Variants in DLG2 observed in about 807,000 individuals in gnomAD.
DLG2 encodes disks large homolog 2.
A neutral mutation model predicts 132.5 loss-of-function variants in DLG2; 45 were observed. The observed-to-expected ratio is 0.34, with a 90% CI of 0.27 to 0.44. The LOEUF (loss-of-function observed/expected upper bound fraction) is 0.44. Ranked by LOEUF, DLG2 falls within the 20% of genes least tolerant of loss-of-function variation. DLG2 has a pLI of 1.00. For synonymous variants in DLG2, 424 were observed against 419.6 expected (o/e 1.01, Z -0.13); for missense variants, 1,045 against 1,196.9 (o/e 0.87, Z 1.87).
intron 6 of DLG2, among the ~76,000 whole-genome samples, chr11:84,791,162 A>G (rs538790561): frequency 6.6e-6 from 1 of 152,226 alleles, no homozygotes; most frequent in East Asian, 1.9e-4. Context: ...GAACTCACTC[A>G]CTATCCGGAT....
chr11:84,730,914 GATTTAAGATA>G (rs1840456858), intron 6 of DLG2, among the ~76,000 whole-genome samples: 1 of 151,986 alleles, frequency 6.6e-6, no homozygotes, highest in Non-Finnish European at 1.5e-5. Context: ...ATGTATCACA[GATTTAAGATA>G]ATGATACAAT....
chr11:84,306,304 A>G (rs1043286324), intron 7 of DLG2, among the ~76,000 whole-genome samples: 1 of 152,216 alleles, frequency 6.6e-6, no homozygotes, highest in Non-Finnish European at 1.5e-5. Context: ...ACTTGAACCA[A>G]AAAATTAAAA....
At chr11:84,624,817 T>G (rs912420055) in intron 6 of DLG2, among the ~76,000 whole-genome samples, 2 of 148,242 alleles carry the variant, frequency 1.3e-5, no homozygotes, top group African/African-American at 5.0e-5. Context: ...ATAATACAGT[T>G]GACTCTCTTC....
At chr11:85,561,212 G>A (rs1288163758) in intron 3 of DLG2, among the ~76,000 whole-genome samples, 2 of 148,896 alleles carry the variant, frequency 1.3e-5, no homozygotes, top group Non-Finnish European at 3.0e-5. Flanking sequence ...AAATAAACAC[G>A]ATTAGCCAGG....
intron 3 of DLG2, among the ~76,000 whole-genome samples, chr11:85,400,839 G>C (rs563920766): frequency 6.6e-6 from 1 of 151,222 alleles, no homozygotes; most frequent in Non-Finnish European, 1.5e-5. Context: ...GCTAAATGAC[G>C]AGTTAATGAG....
intron 3 of DLG2, among the ~76,000 whole-genome samples, chr11:85,555,122 T>G (rs2076868070): frequency 6.6e-6 from 1 of 151,880 alleles, no homozygotes; most frequent in Middle Eastern, 3.2e-3. Flanking sequence ...CTGTCTCAAG[T>G]GCATTGGGTT....
intron 3 of DLG2, among the ~76,000 whole-genome samples, chr11:85,431,078 G>T (rs996349887): frequency 2.0e-5 from 3 of 152,154 alleles, no homozygotes; most frequent in African/African-American, 7.2e-5. Context: ...TGTATAGAAT[G>T]CTTCTGTCAA....
chr11:84,947,470 A>C (rs756598223), intron 6 of DLG2, among the ~76,000 whole-genome samples: 10 of 152,200 alleles, frequency 6.6e-5, no homozygotes, highest in Admixed American at 3.9e-4. Flanking sequence ...AACTAATCAC[A>C]TAGGATGTCC....
At chr11:83,958,137 A>C (rs2087402828) in intron 14 of DLG2, among the ~76,000 whole-genome samples, 1 of 152,232 alleles carries the variant, frequency 6.6e-6, no homozygotes, top group South Asian at 2.1e-4. Context: ...GTAGAAGCTG[A>C]ATATTCACTG....
intron 3 of DLG2, among the ~76,000 whole-genome samples, chr11:85,295,928 G>A (rs960737447): frequency 6.6e-6 from 1 of 152,098 alleles, no homozygotes; most frequent in Non-Finnish European, 1.5e-5. Context: ...AGACAAGAAT[G>A]CTTATGCACA....
At chr11:84,546,641 C>A (rs2099390500) in intron 6 of DLG2, 54 of 529,994 alleles carry the variant, frequency 1.0e-4, no homozygotes, top group South Asian at 8.1e-4. Context: ...GGGCTGCATC[C>A]ACCTCCTCCA....
chr11:83,620,544 A>G (rs57980890), intron 19 of DLG2, among the ~76,000 whole-genome samples: 28,634 of 152,078 alleles, frequency 0.19, 2,848 homozygotes, highest in Non-Finnish European at 0.19. Flanking sequence ...GTACACAAAG[A>G]AAAAGAAAAT....
chr11:84,282,877 C>T (rs2097866348), intron 7 of DLG2, among the ~76,000 whole-genome samples: 1 of 152,154 alleles, frequency 6.6e-6, no homozygotes. Context: ...AACCAACTCT[C>T]AAGTTCTTTC....
At chr11:84,692,982 C>G (rs1435699358) in intron 6 of DLG2, among the ~76,000 whole-genome samples, 2 of 151,752 alleles carry the variant, frequency 1.3e-5, no homozygotes, top group Non-Finnish European at 3.0e-5. Flanking sequence ...TTCTTAATAA[C>G]TGCGCAAACT....
intron 6 of DLG2, among the ~76,000 whole-genome samples, chr11:84,686,636 T>G (rs974496257): frequency 1.3e-3 from 203 of 150,448 alleles, no homozygotes; most frequent in African/African-American, 4.8e-3. Context: ...TGAGGTTTTT[T>G]TTTTTTTTTT....
intron 7 of DLG2, among the ~76,000 whole-genome samples, chr11:84,502,116 TTC>T (rs1363850285): frequency 3.8e-5 from 3 of 79,472 alleles, no homozygotes; most frequent in African/African-American, 1.6e-4. Flanking sequence ...CTCTCTGTCT[TTC>T]TCTCTTTCTC....
At chr11:85,040,192 A>G (rs531873873) in intron 6 of DLG2, among the ~76,000 whole-genome samples, 1 of 151,962 alleles carries the variant, frequency 6.6e-6, no homozygotes, top group Non-Finnish European at 1.5e-5. Flanking sequence ...ACCAAGGATG[A>G]AAAGAATTGC....
intron 6 of DLG2, among the ~76,000 whole-genome samples, chr11:84,594,625 G>A (rs1441113040): frequency 6.6e-6 from 1 of 152,126 alleles, no homozygotes; most frequent in Admixed American, 6.5e-5. Context: ...ATTAGACTAG[G>A]CCACACATAT....
intron 6 of DLG2, among the ~76,000 whole-genome samples, chr11:84,895,786 C>T (rs549804148): frequency 6.6e-6 from 1 of 152,124 alleles, no homozygotes; most frequent in African/African-American, 2.4e-5. Context: ...GGTCATGTAT[C>T]AAGTTAAGAG....
Sources: gnomAD v4.1 joint callset for allele counts (sites outside exome capture counted in the v4.1 genomes callset) on GRCh38, gnomAD v4.1.1 for gene constraint, MANE v1.5 for transcripts, NCBI Gene and HGNC (gene_info 2026-07-23, HGNC 2026-07-21) for gene names.